SEM1: variants seen among roughly 807,000 people sequenced by gnomAD.
The protein encoded by SEM1 is 26S proteasome complex subunit SEM1.
In SEM1, 3 loss-of-function variants were observed where a neutral mutation model predicts 12.7. That is an observed-to-expected ratio of 0.24 (90% CI 0.11 to 0.61). The LOEUF is 0.61. SEM1 is among the 20% of genes least tolerant of loss of function. The pLI is 0.88. For synonymous variants in SEM1, 30 were observed against 27.8 expected (o/e 1.08, Z -0.25); for missense variants, 59 against 81.3 (o/e 0.73, Z 1.06).
At chr7:96,608,414 A>G (rs1178460956) in intron 2 of SEM1, among the ~76,000 whole-genome samples, 1 of 152,166 alleles carries the variant, frequency 6.6e-6, no homozygotes, top group African/African-American at 2.4e-5. Context: ...GTATTTAAAA[A>G]GTCATTTTAT....
At chr7:96,671,514 G>T (rs913807002), downstream of SEM1, among the ~76,000 whole-genome samples, 1 of 152,094 alleles carries the variant, frequency 6.6e-6, no homozygotes, top group African/African-American at 2.4e-5. Flanking sequence ...AAACTTCAGG[G>T]TAGATAATTT....
intron 2 of SEM1, among the ~76,000 whole-genome samples, chr7:96,592,854 CAG>C (rs919094610): frequency 3.3e-5 from 5 of 151,922 alleles, no homozygotes; most frequent in African/African-American, 1.2e-4. Flanking sequence ...TTATACAACT[CAG>C]GGGGCATGTT....
At chr7:96,509,714 A>G (rs1803876119) in intron 2 of SEM1, among the ~76,000 whole-genome samples, 1 of 152,204 alleles carries the variant, frequency 6.6e-6, no homozygotes, top group Non-Finnish European at 1.5e-5. Context: ...ATTCAGCCTT[A>G]AAACGGAAGA....
intron 2 of SEM1, among the ~76,000 whole-genome samples, chr7:96,596,719 G>C (rs1807008790): frequency 6.6e-6 from 1 of 152,090 alleles, no homozygotes; most frequent in African/African-American, 2.4e-5. Context: ...AAATTGTTTG[G>C]TTTTAGATTA....
chr7:96,663,041 T>C (rs1789059491), intron 2 of SEM1, among the ~76,000 whole-genome samples: 1 of 151,350 alleles, frequency 6.6e-6, no homozygotes, highest in South Asian at 2.1e-4. Context: ...AAAATCATGG[T>C]ATTATGTGAT....
intron 1 of SEM1, among the ~76,000 whole-genome samples, chr7:96,487,356 C>T (rs1158141493): frequency 6.7e-6 from 1 of 149,836 alleles, no homozygotes; most frequent in Non-Finnish European, 1.5e-5. Flanking sequence ...TAACACTAAC[C>T]CAAAACATCG....
chr7:96,509,951 T>C (rs1410925795), intron 2 of SEM1, among the ~76,000 whole-genome samples: 1 of 152,116 alleles, frequency 6.6e-6, no homozygotes, highest in Non-Finnish European at 1.5e-5. Context: ...CTGGAATAGA[T>C]GAAAATGTTC....
chr7:96,520,136 A>T (rs891115958), intron 2 of SEM1, among the ~76,000 whole-genome samples: 7 of 152,180 alleles, frequency 4.6e-5, no homozygotes, highest in African/African-American at 1.7e-4. Context: ...AGGATCATAC[A>T]TACATACATA....
rs560985829 is a variant in SEM1, at chr7:96,595,267, C to T, written c.171-88569G>A. Among the ~76,000 whole-genome samples, 52 of 152,142 alleles carry T rather than the reference C, an allele frequency of 3.4e-4. No individual in the cohort carries two copies. In the South Asian group the frequency reaches 3.5e-3, roughly 10 times the overall value. On this transcript the variant is annotated intron_variant and NMD_transcript_variant, in intron 2 of 3. Transcript: ENST00000466986. ...GGGGCTCACACCTGTAATCCCAGCA[C>T]TTTAGGAGGCCAAAGTGGAAGGATC...
chr7:96,654,017 CCAGCTAGAAGCTGAA>C (rs1446333211), intron 2 of SEM1, among the ~76,000 whole-genome samples: 1 of 152,148 alleles, frequency 6.6e-6, no homozygotes, highest in Non-Finnish European at 1.5e-5. Flanking sequence ...ACATTCATAT[CCAGCTAGAAGCTGAA>C]CAGAGAAGAG....
At position 96,662,931 on chromosome 7, in the gene SEM1, CT is replaced by C. The variant is rs750439405; in HGVS notation, c.170+31866del. On this transcript the variant is annotated intron_variant, in intron 2 of 2. Transcript: ENST00000417009. Reference sequence around the variant, plus strand: ...AAAGTGTAAACCATAAAAGAAAAAGCTGATTTCCCAGCTGCATTAAAACATT... The same window carrying C: ...AAAGTGTAAACCATAAAAGAAAAAGCGATTTCCCAGCTGCATTAAAACATT... Among the ~76,000 whole-genome samples, 187 of 152,256 alleles carry C rather than the reference CT, an allele frequency of 1.2e-3. 1 individual carries two copies. The highest frequency in any genetic ancestry group is 1.4e-3 in the Non-Finnish European group (98 of 68,022).
downstream of SEM1, among the ~76,000 whole-genome samples, chr7:96,668,833 A>G (rs527832293): frequency 6.0e-4 from 91 of 152,320 alleles, no homozygotes; most frequent in South Asian, 0.017. Flanking sequence ...GATATAATGA[A>G]TAAGATGGTC....
intron 2 of SEM1, among the ~76,000 whole-genome samples, chr7:96,580,010 G>A (rs992087363): frequency 4.7e-5 from 7 of 150,334 alleles, no homozygotes; most frequent in Admixed American, 4.0e-4. Flanking sequence ...GGGTACATGT[G>A]CACAATGTGC....
intron 1 of SEM1, among the ~76,000 whole-genome samples, chr7:96,489,731 C>G (rs764583906): frequency 1.4e-4 from 21 of 152,136 alleles, no homozygotes; most frequent in Non-Finnish European, 2.8e-4. Context: ...GATTGTAGCT[C>G]CAGCTGTGGC....
intron 2 of SEM1, among the ~76,000 whole-genome samples, chr7:96,585,470 C>G (rs917185252): frequency 4.0e-5 from 6 of 151,054 alleles, no homozygotes; most frequent in Non-Finnish European, 5.9e-5. Context: ...GCAGGCAGGC[C>G]TCCTTCAGCT....
intron 2 of SEM1, among the ~76,000 whole-genome samples, chr7:96,654,703 G>T (rs1221464306): frequency 1.3e-5 from 2 of 152,252 alleles, no homozygotes; most frequent in Middle Eastern, 3.4e-3. Context: ...TGTATTAAAT[G>T]CATTTTTTAT....
chr7:96,639,731 T>C (rs557055492), intron 2 of SEM1, among the ~76,000 whole-genome samples: 18 of 151,928 alleles, frequency 1.2e-4, no homozygotes, highest in African/African-American at 4.1e-4. Flanking sequence ...TAAGCTGAAC[T>C]TCATTAAAAT....
intron 2 of SEM1, among the ~76,000 whole-genome samples, chr7:96,553,934 G>A (rs1427553363): frequency 9.9e-5 from 15 of 152,048 alleles, no homozygotes; most frequent in Non-Finnish European, 1.8e-4. Flanking sequence ...TGGATTCCTA[G>A]GTATTTTATT....
intron 1 of SEM1, among the ~76,000 whole-genome samples, chr7:96,495,297 C>T (rs1351489996): frequency 1.3e-5 from 2 of 152,054 alleles, no homozygotes; most frequent in Non-Finnish European, 2.9e-5. Flanking sequence ...AAATTTGGAG[C>T]TAACATGACT....
Sources: allele counts gnomAD v4.1 joint callset (sites outside exome capture counted in the v4.1 genomes callset), GRCh38; gene constraint gnomAD v4.1.1; transcripts MANE v1.5; gene names NCBI Gene and HGNC (gene_info 2026-07-23, HGNC 2026-07-21).